The following SRGAP3 variants were observed in gnomAD, a reference collection of about 807,000 sequenced individuals.
The protein encoded by SRGAP3 is SLIT-ROBO Rho GTPase-activating protein 3.
In SRGAP3, 39 loss-of-function variants were observed where a neutral mutation model predicts 121.1. That is an observed-to-expected ratio of 0.32 (90% CI 0.25 to 0.42). The LOEUF (loss-of-function observed/expected upper bound fraction) is 0.42, where lower values mean the gene tolerates loss of function less well. Among genes scored for constraint, SRGAP3 ranks in the 10% least tolerant of loss-of-function variants. The probability of loss-of-function intolerance (pLI) is 1.00; values close to 1 mark genes in which losing one functional copy is unlikely to be tolerated. For synonymous variants in SRGAP3, 601 were observed against 570.0 expected, an observed-to-expected ratio of 1.05 and a Z score of -0.77; for missense variants, 1,213 against 1,470.6, an observed-to-expected ratio of 0.82 and a Z score of 2.86.
chr3:9,250,960 C>T (rs1255281315), upstream of SRGAP3, among the ~76,000 whole-genome samples: 1 of 152,174 alleles, frequency 6.6e-6, no homozygotes, highest in Non-Finnish European at 1.5e-5. Flanking sequence ...CCTGACTGTC[C>T]CCTGAGATAA....
chr3:8,985,487 G>A lies in SRGAP3; in HGVS notation c.*32C>T. ...CCACCCTGGGCCGTGGTGAGCCACA[G>A]CGGGCCACGGCGGCGCGGCCCATCC... On this transcript the variant is annotated 3_prime_UTR_variant, in exon 22 of 22. Coordinates refer to ENST00000383836, the MANE Select transcript of SRGAP3 (RefSeq NM_014850.4). This position sits in a 1 kb window ranked among gnomAD's most constrained non-coding sequence, Gnocchi z 5.1. The A allele has an allele frequency of 6.3e-7, 1 of 1,596,934 alleles. No homozygotes were observed. Among genetic ancestry groups the A allele is most frequent in the Non-Finnish European group, 8.5e-7 (1 of 1,178,788 alleles).
At chr3:9,156,407 C>A (rs1330357935) in intron 1 of SRGAP3, among the ~76,000 whole-genome samples, 2 of 152,230 alleles carry the variant, frequency 1.3e-5, no homozygotes, top group African/African-American at 4.8e-5. Flanking sequence ...GACCCTGTGG[C>A]AGCTCCGGGC....
intron 21 of SRGAP3, among the ~76,000 whole-genome samples, chr3:8,988,335 GTTC>G (rs1411005794): frequency 6.6e-6 from 1 of 152,154 alleles, no homozygotes; most frequent in African/African-American, 2.4e-5. Context: ...ACTACCTGGG[GTTC>G]TTCAGCTGCC....
At chr3:9,349,202 G>A in intron 1 of SRGAP3, 2 of 685,928 alleles carry the variant, frequency 2.9e-6, no homozygotes, top group Non-Finnish European at 5.5e-6. Flanking sequence ...AAGGCCAGCG[G>A]GCAGGCTACT....
chr3:9,209,945 T>C (rs1426879519), intron 1 of SRGAP3, among the ~76,000 whole-genome samples: 1 of 152,026 alleles, frequency 6.6e-6, no homozygotes, highest in Non-Finnish European at 1.5e-5. Context: ...TATCCTAAAA[T>C]GGAATATTAG....
intron 2 of SRGAP3, among the ~76,000 whole-genome samples, chr3:9,329,258 A>C (rs1457089813): frequency 6.6e-6 from 1 of 152,210 alleles, no homozygotes; most frequent in Non-Finnish European, 1.5e-5. Context: ...AGAAAGAGAG[A>C]AGCCAGAAAT....
intron 1 of SRGAP3, among the ~76,000 whole-genome samples, chr3:9,355,351 C>G (rs2030436483): frequency 6.6e-6 from 1 of 152,240 alleles, no homozygotes; most frequent in African/African-American, 2.4e-5. Flanking sequence ...AGGCAGCAGC[C>G]AGAGTGATTG....
rs748629756 is a variant in SRGAP3 at position 9,173,984 on chromosome 3, GTCCATC to G, written c.68-49073_68-49068del. On this transcript the variant is annotated intron_variant, in intron 1 of 21. Transcript: ENST00000383836. ...TTCACAGGAGCACCATTCATAATGT[GTCCATC>G]GACGGATGGATGGGTCAACCAGATG... is the stretch of plus-strand genomic sequence containing the variant. Among the ~76,000 whole-genome samples, 838 of 152,344 alleles carry G rather than the reference GTCCATC, an allele frequency of 5.5e-3. 1 individual carries two copies. The highest frequency in any genetic ancestry group is 9.5e-3 in the Non-Finnish European group (643 of 68,034).
At chr3:9,280,715 C>G (rs574227633) in intron 3 of SRGAP3, among the ~76,000 whole-genome samples, 3 of 152,294 alleles carry the variant, frequency 2.0e-5, no homozygotes, top group African/African-American at 7.2e-5. Flanking sequence ...TGACAGTACC[C>G]ACTCGACACA....
intron 3 of SRGAP3, chr3:9,292,717 CT>C (rs1954889964): frequency 6.6e-6 from 1 of 152,122 alleles, no homozygotes; most frequent in African/African-American, 2.4e-5. Flanking sequence ...TTTAATTAGC[CT>C]GTGCATCTAA....
intron 18 of SRGAP3, among the ~76,000 whole-genome samples, 188 bp from the exon 19 acceptor site, chr3:8,994,711 G>A (rs1942283960): frequency 1.3e-5 from 2 of 152,182 alleles, no homozygotes; most frequent in South Asian, 2.1e-4. Flanking sequence ...TCTCCACCCT[G>A]CAACCTCAGG....
chr3:8,999,338 G>A (rs1442504705), intron 18 of SRGAP3, among the ~76,000 whole-genome samples: 1 of 152,226 alleles, frequency 6.6e-6, no homozygotes, highest in African/African-American at 2.4e-5. Context: ...GGCTAGACAT[G>A]GGCTTTTCCG....
At chr3:9,332,374 C>A (rs1349411224) in intron 1 of SRGAP3, among the ~76,000 whole-genome samples, 1 of 152,216 alleles carries the variant, frequency 6.6e-6, no homozygotes, top group Non-Finnish European at 1.5e-5. Flanking sequence ...CCTGCCTTGG[C>A]CTTCCAAAGT....
chr3:9,141,593 T>C (rs1949853630), intron 1 of SRGAP3, among the ~76,000 whole-genome samples: 1 of 144,024 alleles, frequency 6.9e-6, no homozygotes, highest in Non-Finnish European at 1.5e-5. Context: ...TGTGTGTGTG[T>C]GTGTGTGTGT....
intron 2 of SRGAP3, among the ~76,000 whole-genome samples, chr3:9,106,242 G>A (rs551349767): frequency 1.3e-5 from 2 of 152,186 alleles, no homozygotes; most frequent in East Asian, 1.9e-4. Flanking sequence ...TTCCTGCCAC[G>A]CAGGGCACCT....
chr3:9,309,372 C>G (rs114186743), intron 3 of SRGAP3, among the ~76,000 whole-genome samples: 1,797 of 152,336 alleles, frequency 0.012, 26 homozygotes, highest in African/African-American at 0.037. Flanking sequence ...TCACTACCCT[C>G]TTTCCTCCTT....
chr3:9,341,255 A>C (rs370746118), intron 1 of SRGAP3, among the ~76,000 whole-genome samples: 36 of 150,960 alleles, frequency 2.4e-4, no homozygotes, highest in Admixed American at 7.9e-4. Flanking sequence ...GCAGTGGGCT[A>C]GAGAGAGCAG....
At chr3:9,276,940 A>G (rs1954594148) in intron 3 of SRGAP3, among the ~76,000 whole-genome samples, 1 of 152,222 alleles carries the variant, frequency 6.6e-6, no homozygotes, top group African/African-American at 2.4e-5. Context: ...GTGCGTCACA[A>G]TGCTGTGATT....
intron 1 of SRGAP3, among the ~76,000 whole-genome samples, chr3:9,162,160 A>T (rs971327876): frequency 1.3e-4 from 20 of 152,154 alleles, no homozygotes; most frequent in African/African-American, 4.3e-4. Context: ...AGGGACTGAG[A>T]GAAATGGGGA....
Sources: gnomAD v4.1 joint callset for allele counts (sites outside exome capture counted in the v4.1 genomes callset) on GRCh38, gnomAD v4.1.1 for gene constraint, Gnocchi (gnomAD v3.1) non-coding constraint, MANE v1.5 for transcripts, NCBI Gene and HGNC (gene_info 2026-07-23, HGNC 2026-07-21) for gene names.